TUSC3: variants seen among roughly 807,000 people sequenced by gnomAD.
TUSC3 encodes dolichyl-diphosphooligosaccharide--protein glycosyltransferase subunit TUSC3.
TUSC3 carries 45 observed loss-of-function variants against 44.8 expected under a neutral mutation model. The ratio of observed to expected loss-of-function variants is 1.00; its 90% CI spans 0.79 to 1.29. The LOEUF (loss-of-function observed/expected upper bound fraction) is 1.29. Among genes scored for constraint, TUSC3 ranks in the 50% most tolerant of loss-of-function variants. The pLI, the probability that TUSC3 is intolerant of heterozygous loss-of-function variation, is 0.00. For synonymous variants in TUSC3, 212 were observed against 152.9 expected (o/e 1.39, Z -2.85); for missense variants, 519 against 437.9 (o/e 1.19, Z -1.65).
At chr8:15,709,518 C>G (rs1409685471) in intron 6 of TUSC3, among the ~76,000 whole-genome samples, 1 of 151,756 alleles carries the variant, frequency 6.6e-6, no homozygotes, top group Non-Finnish European at 1.5e-5. Context: ...TTATTCCCAG[C>G]CAGAATTTAG....
intron 1 of TUSC3, among the ~76,000 whole-genome samples, chr8:15,582,261 C>G (rs1803394717): frequency 2.0e-5 from 3 of 152,312 alleles, no homozygotes; most frequent in African/African-American, 7.2e-5. Flanking sequence ...GCAGAAATCA[C>G]CCGTCTTCTG....
At chr8:15,813,632 C>T in the TUSC3 span, among the ~76,000 whole-genome samples, 18 of 152,240 alleles carry the variant, frequency 1.2e-4, no homozygotes, top group East Asian at 3.3e-3. Flanking sequence ...AGAAATGTGT[C>T]ATTTTTATAT....
intron 2 of TUSC3, among the ~76,000 whole-genome samples, chr8:15,503,828 C>G (rs1390592146): frequency 1.3e-5 from 2 of 151,870 alleles, no homozygotes; most frequent in Non-Finnish European, 2.9e-5. Context: ...CATGGCAAAA[C>G]CCATCTCTAC....
At chr8:15,771,792 A>C in the TUSC3 span, among the ~76,000 whole-genome samples, 1 of 151,888 alleles carries the variant, frequency 6.6e-6, no homozygotes, top group Non-Finnish European at 1.5e-5. Context: ...TGTCTGTATT[A>C]AAAAAAAGAA....
At chr8:15,772,240 A>G in the TUSC3 span, among the ~76,000 whole-genome samples, 1 of 152,108 alleles carries the variant, frequency 6.6e-6, no homozygotes, top group Non-Finnish European at 1.5e-5. Context: ...AAAAACAATA[A>G]AGTCAATGAA....
At chr8:15,748,293 T>A (rs1811510841) in intron 8 of TUSC3, 82 bp from the exon 9 acceptor site, 2 of 1,026,506 alleles carry the variant, frequency 1.9e-6, no homozygotes, top group East Asian at 4.8e-5. Context: ...TATACTGTAA[T>A]TGAATGCATT....
the TUSC3 span, among the ~76,000 whole-genome samples, chr8:15,784,194 G>T: frequency 3.9e-3 from 592 of 152,182 alleles, 4 homozygotes; most frequent in African/African-American, 0.013. Context: ...CAATGAAAAA[G>T]TAAGTGATGG....
intron 1 of TUSC3, among the ~76,000 whole-genome samples, chr8:15,455,412 CATACACACCTATGT>C (rs1225103755): frequency 1.3e-5 from 2 of 151,938 alleles, no homozygotes; most frequent in East Asian, 1.9e-4. Flanking sequence ...TATATATACA[CATACACACCTATGT>C]ATACACGTAT....
At chr8:15,822,677 C>T in the TUSC3 span, among the ~76,000 whole-genome samples, 6 of 151,968 alleles carry the variant, frequency 3.9e-5, no homozygotes, top group Non-Finnish European at 7.4e-5. Context: ...AAGGAACCAG[C>T]AAAGGGGACA....
intron 8 of TUSC3, among the ~76,000 whole-genome samples, chr8:15,744,332 T>A (rs1284568121): frequency 1.3e-5 from 2 of 152,144 alleles, no homozygotes; most frequent in Admixed American, 1.3e-4. Context: ...GAAAATGTGC[T>A]CTGAGGAGCA....
At chr8:15,573,194 CTCTCTCTCTA>C (rs1308108234) in intron 1 of TUSC3, among the ~76,000 whole-genome samples, 34 of 104,738 alleles carry the variant, frequency 3.2e-4, no homozygotes, top group Non-Finnish European at 5.1e-4. Flanking sequence ...CTCTCTCTCT[CTCTCTCTCTA>C]TATATATATA....
chr8:15,550,679 A>T (rs1802032371), intron 1 of TUSC3, among the ~76,000 whole-genome samples: 1 of 150,018 alleles, frequency 6.7e-6, no homozygotes, highest in Non-Finnish European at 1.5e-5. Context: ...TTAGTTAATT[A>T]TTTTTTTTTA....
intron 6 of TUSC3, among the ~76,000 whole-genome samples, chr8:15,685,903 C>G (rs541846724): frequency 3.8e-4 from 1 of 2,656 alleles, no homozygotes; most frequent in South Asian, 0.038. Context: ...AGGCTAGTGA[C>G]TCTGCTCATA....
the TUSC3 span, among the ~76,000 whole-genome samples, chr8:15,776,478 C>T: frequency 6.6e-6 from 1 of 152,042 alleles, no homozygotes; most frequent in Non-Finnish European, 1.5e-5. Flanking sequence ...AATGTTCAGC[C>T]CTATGTCAGC....
intron 1 of TUSC3, among the ~76,000 whole-genome samples, chr8:15,429,262 C>T (rs1799842402): frequency 6.6e-6 from 1 of 152,128 alleles, no homozygotes; most frequent in African/African-American, 2.4e-5. Context: ...TCAGGTGTGT[C>T]AAAGATCAGA....
chr8:15,825,880 T>G, the TUSC3 span, among the ~76,000 whole-genome samples: 1 of 130,482 alleles, frequency 7.7e-6, no homozygotes, highest in African/African-American at 3.2e-5. Context: ...AATCAACAGT[T>G]GTTTCTTTTT....
chr8:15,423,960 TTTTGC>T, intron 1 of TUSC3, among the ~76,000 whole-genome samples: 1 of 144,034 alleles, frequency 6.9e-6, no homozygotes, highest in Non-Finnish European at 1.5e-5. Context: ...ATTCATACTG[TTTTGC>T]TTTGTTTTTT....
chr8:15,494,181 T>C (rs534166937), intron 2 of TUSC3, among the ~76,000 whole-genome samples: 4 of 152,286 alleles, frequency 2.6e-5, no homozygotes, highest in South Asian at 4.1e-4. Flanking sequence ...ATACAGTCGA[T>C]GAAATATGGA....
chr8:15,657,084 T>G (rs1243047286), intron 3 of TUSC3, among the ~76,000 whole-genome samples: 1 of 152,158 alleles, frequency 6.6e-6, no homozygotes, highest in East Asian at 1.9e-4. Flanking sequence ...CTGAAATGCC[T>G]TCAGGGTCTT....
Sources: allele counts gnomAD v4.1 joint callset (sites outside exome capture counted in the v4.1 genomes callset), GRCh38; gene constraint gnomAD v4.1.1; transcripts MANE v1.5; gene names NCBI Gene and HGNC (gene_info 2026-07-23, HGNC 2026-07-21).